The following CSRNP2 variants were observed in gnomAD, a reference collection of about 807,000 sequenced individuals.
CSRNP2 encodes cysteine and serine rich nuclear protein 2.
A neutral mutation model predicts 36.6 loss-of-function variants in CSRNP2; 11 were observed. The observed-to-expected ratio is 0.30, with a 90% CI of 0.19 to 0.50. The LOEUF is 0.50. Among genes scored for constraint, CSRNP2 ranks in the 20% least tolerant of loss-of-function variants. The pLI, the probability that CSRNP2 is intolerant of heterozygous loss-of-function variation, is 0.98. For missense variants in CSRNP2, 483 were observed against 691.4 expected (o/e 0.70, Z 3.38); for synonymous variants, 248 against 275.3 (o/e 0.90, Z 0.98).
At position 51,067,679 on chromosome 12, in the gene CSRNP2, T is replaced by C; in HGVS notation, c.702A>G (p.Lys234=). The change falls in exon 4 of 5, where the codon AAA becomes AAG. Residue 234 remains lysine (K), a synonymous_variant. Transcript: ENST00000228515. This position sits in a 1 kb window ranked among gnomAD's most constrained non-coding sequence, Gnocchi z 4.1. ...CAGGCCAACTTGGACTGACCTGGCA[T>C]TTAATCCCAGCCTGGCTGCAGGCAC... The part of the protein sequence containing the change: ...EACACSQAGI[K]CQVDRMSFPC... 6.2e-7 allele frequency: 1 copy of C among 1,613,254 alleles called. No individual in the cohort carries two copies. The highest frequency in any genetic ancestry group is 8.5e-7 in the Non-Finnish European group (1 of 1,179,388).
intron 3 of CSRNP2, among the ~76,000 whole-genome samples, chr12:51,072,431 T>G (rs1247854518): frequency 1.3e-5 from 2 of 151,422 alleles, no homozygotes; most frequent in African/African-American, 2.4e-5. Context: ...GGTGTGGTGT[T>G]GGGCACCTGT....
At chr12:51,071,516 A>G (rs529013636) in intron 3 of CSRNP2, among the ~76,000 whole-genome samples, 1 of 151,940 alleles carries the variant, frequency 6.6e-6, no homozygotes. Flanking sequence ...TGTAGTCCCA[A>G]CTACTTGGGA....
Position 51,067,998 on chromosome 12 carries a change from A to G in CSRNP2, c.412-29T>C, listed in dbSNP as rs1938565214. On this transcript the variant is annotated intron_variant, in intron 3 of 4. Transcript: ENST00000228515. This position sits in a 1 kb window ranked among gnomAD's most constrained non-coding sequence, Gnocchi z 4.1. ...CCAAGAGACAGGAAAGGTTAGCCTC[A>G]TAGACATGAGCGGCATGCACCTCCT... The G allele has an allele frequency of 2.5e-6, 4 of 1,604,084 alleles. No homozygotes were observed. Among genetic ancestry groups the G allele is most frequent in the Non-Finnish European group, 3.4e-6 (4 of 1,173,412 alleles).
Position 51,073,436 on chromosome 12 carries a change from TAAAAA to T in CSRNP2, c.411+382_411+386del, listed in dbSNP as rs377604985. 2.4e-3 allele frequency among the ~76,000 whole-genome samples: 354 copies of T among 145,004 alleles called. 12 individuals carry two copies. The East Asian group carries it at 0.059, about 24-fold the overall frequency. ...CTATACCCCAAGGACAACAGTCAAA[TAAAAA>T]AAAAAATCAGCTGGGTGCAGTGGCT... On this transcript the variant is annotated intron_variant, in intron 3 of 4. Transcript: ENST00000228515.
At position 51,074,039 on chromosome 12, in the gene CSRNP2, A is replaced by G. The variant is rs140071191; in HGVS notation, c.195T>C (p.Asn65=). The stretch of plus-strand genomic sequence containing the variant: ...ATACAGTCACCTGGTCAAAGCGTAC[A>G]TTCTTCCTCCGCAGCTGCTTCTGCC... The part of the protein sequence containing the change: ...LKRQKQLRRK[N]VRFDQVTVYY... The change falls in exon 3 of 5, where the codon AAT becomes AAC. Residue 65 remains asparagine, a synonymous_variant. Transcript: ENST00000228515. 7 of 1,614,118 alleles carry G rather than the reference A, an allele frequency of 4.3e-6. No individual in the cohort carries two copies. In the African/African-American group the frequency reaches 9.3e-5, roughly 22 times the overall value.
intron 1 of CSRNP2, among the ~76,000 whole-genome samples, chr12:51,080,129 CAGGCAGGCAGGCAGGCAGGCAGG>C (rs2136933345): frequency 7.0e-4 from 1 of 1,422 alleles, no homozygotes; most frequent in Non-Finnish European, 0.023. Flanking sequence ...AGAAGGCAAG[CAGGCAGGCAGGCAGGCAGGCAGG>C]CAGGCAGGCA....
intron 3 of CSRNP2, among the ~76,000 whole-genome samples, chr12:51,071,915 G>C (rs1437088206): frequency 1.3e-5 from 2 of 152,182 alleles, no homozygotes; most frequent in African/African-American, 4.8e-5. Context: ...TCAGACAGAG[G>C]AAAGGGAAGC....
chr12:51,064,142 C>A lies in CSRNP2; in HGVS notation c.1236G>T (p.Leu412Phe), dbSNP rs1281698376. The A allele has an allele frequency of 1.2e-6, 2 of 1,614,172 alleles. No individual in the cohort carries two copies. The highest frequency in any genetic ancestry group is 1.7e-6 in the Non-Finnish European group (2 of 1,180,038). ...GATAATAGACCAGGGGCCCACTGTT[C>A]AAGTAGGATGGGCTGTTCACCGTTG... The part of the protein sequence containing the change: ...TASTVNSPSY[L>F]NSGPLVYYQV... Residue 412 changes from leucine to phenylalanine, a missense_variant, in exon 5 of 5, where the codon TTG becomes TTT. This residue lies in a region of CSRNP2 where 277 missense variants were observed against 323.6 expected (regional missense o/e 0.86). Transcript: ENST00000228515.
At chr12:51,075,575 C>A (rs950020367) in intron 2 of CSRNP2, among the ~76,000 whole-genome samples, 9 of 152,210 alleles carry the variant, frequency 5.9e-5, no homozygotes, top group Non-Finnish European at 1.2e-4. Context: ...CTATTTTAGG[C>A]TCTACAGGCC....
At chr12:51,082,266 A>T (rs957228332) in intron 1 of CSRNP2, among the ~76,000 whole-genome samples, 1 of 152,210 alleles carries the variant, frequency 6.6e-6, no homozygotes, top group African/African-American at 2.4e-5. Context: ...CGCTTAAGTT[A>T]GGTGTTTAAA....
In CSRNP2 at chr12:51,073,960, A is replaced by T; in HGVS notation, c.274T>A (p.Ser92Thr). The change falls in exon 3 of 5, where the codon TCT (serine) becomes ACT (threonine). Residue 92 changes from serine (S) to threonine (T), a missense_variant. Coordinates refer to ENST00000228515, the MANE Select transcript of CSRNP2 (RefSeq NM_030809.3). ...FTSVPSQGGSSLGMAQRHNSV... is the reference protein window; with the variant it reads ...FTSVPSQGGSTLGMAQRHNSV... ...TTATGGCGCTGGGCCATGCCCAGAGAGCTACCACCCTGGCTGGGCACACTG... is the reference window on the plus strand; with the variant it reads ...TTATGGCGCTGGGCCATGCCCAGAGTGCTACCACCCTGGCTGGGCACACTG... 6.2e-7 allele frequency: 1 copy of T among 1,614,100 alleles called. No individual in the cohort carries two copies. The highest frequency in any genetic ancestry group is 8.5e-7 in the Non-Finnish European group (1 of 1,180,032).
chr12:51,080,237 C>T (rs1258478931), intron 1 of CSRNP2, among the ~76,000 whole-genome samples: 2 of 152,022 alleles, frequency 1.3e-5, no homozygotes, highest in African/African-American at 4.8e-5. Context: ...ACTGTCCACT[C>T]CTGTTCTTTC....
chr12:51,069,250 C>T (rs1054958954), intron 3 of CSRNP2, among the ~76,000 whole-genome samples: 2 of 150,772 alleles, frequency 1.3e-5, no homozygotes, highest in African/African-American at 2.4e-5. Context: ...GATGGGATTA[C>T]AGGCATGAGC....
chr12:51,067,647 A>C lies in CSRNP2; in HGVS notation c.708+26T>G. ...ACCCCGCTGACCCTGGTGTAGATAT[A>C]CTATCTCAGGCCAACTTGGACTGAC... On this transcript the variant is annotated intron_variant, in intron 4 of 4. Transcript: ENST00000228515. This position sits in a 1 kb window ranked among gnomAD's most constrained non-coding sequence, Gnocchi z 4.1. The C allele has an allele frequency of 1.9e-6, 3 of 1,604,004 alleles. No individual in the cohort carries two copies. The highest frequency in any genetic ancestry group is 1.7e-5 in the Admixed American group (1 of 59,750).
chr12:51,080,038 A>G (rs1280306402), intron 1 of CSRNP2, among the ~76,000 whole-genome samples: 1 of 130,572 alleles, frequency 7.7e-6, no homozygotes, highest in African/African-American at 2.9e-5. Flanking sequence ...ACGCCATTGC[A>G]CTCCAGCCTG....
chr12:51,067,481 A>G lies in CSRNP2; in HGVS notation c.708+192T>C, dbSNP rs1328551965. Among the ~76,000 whole-genome samples the G allele has an allele frequency of 6.6e-6, 1 of 152,186 alleles. No individual in the cohort carries two copies. The highest frequency in any genetic ancestry group is 2.4e-5 in the African/African-American group (1 of 41,452). Reference sequence around the variant, plus strand: ...CTCAGCCTCCCACATAGCTAGGATTAGAGGTGTGAGCCACCATGCCTGGCC... The same window carrying G: ...CTCAGCCTCCCACATAGCTAGGATTGGAGGTGTGAGCCACCATGCCTGGCC... On this transcript the variant is annotated intron_variant, in intron 4 of 4. Coordinates refer to ENST00000228515, the MANE Select transcript of CSRNP2 (RefSeq NM_030809.3). The surrounding 1 kb of genome is among the most constrained non-coding windows in gnomAD (Gnocchi z 4.1).
chr12:51,076,626 G>T lies in CSRNP2; in HGVS notation c.-65C>A. On this transcript the variant is annotated 5_prime_UTR_variant, in exon 2 of 5. The change creates a new upstream start codon in the 5' untranslated region. Coordinates refer to ENST00000228515, the MANE Select transcript of CSRNP2 (RefSeq NM_030809.3). ...GCCCCAAAGCCCCTACTCACCACCA[G>T]CTAGCCAGGTACATTAGGATTCTGC... The T allele has an allele frequency of 6.3e-7, 1 of 1,582,050 alleles. No homozygotes were observed. Among genetic ancestry groups the T allele is most frequent in the Non-Finnish European group, 8.7e-7 (1 of 1,153,324 alleles).
intron 1 of CSRNP2, among the ~76,000 whole-genome samples, chr12:51,078,812 G>A (rs1451934634): frequency 6.6e-6 from 1 of 152,168 alleles, no homozygotes; most frequent in Non-Finnish European, 1.5e-5. Context: ...AAGACAGTGT[G>A]GCGATTCCTC....
At chr12:51,079,983 G>C (rs1349418791) in intron 1 of CSRNP2, among the ~76,000 whole-genome samples, 1 of 141,886 alleles carries the variant, frequency 7.0e-6, no homozygotes, top group African/African-American at 2.6e-5. Flanking sequence ...TGAGGCAGGA[G>C]AATCGCTTGA....
Sources: allele counts gnomAD v4.1 joint callset (sites outside exome capture counted in the v4.1 genomes callset), GRCh38; gene constraint gnomAD v4.1.1; regional missense constraint gnomAD v4.1.1; non-coding constraint Gnocchi (gnomAD v3.1); transcripts MANE v1.5; gene names NCBI Gene and HGNC (gene_info 2026-07-23, HGNC 2026-07-21).